Variants in ZDHHC2 observed in about 807,000 individuals in gnomAD.
ZDHHC2 encodes the protein zDHHC palmitoyltransferase 2, also known as palmitoyltransferase ZDHHC2.
A neutral mutation model predicts 55.6 loss-of-function variants in ZDHHC2; 51 were observed. The observed-to-expected ratio is 0.92, with a 90% CI of 0.73 to 1.16. ZDHHC2 has a LOEUF of 1.16. ZDHHC2 is among the 50% of genes most tolerant of loss of function. The pLI is 0.00. For missense variants in ZDHHC2, 491 were observed against 442.4 expected, an observed-to-expected ratio of 1.11 and a Z score of -0.99; for synonymous variants, 199 against 152.9, an observed-to-expected ratio of 1.30 and a Z score of -2.22.
chr8:17,172,819 C>G lies in ZDHHC2; in HGVS notation c.131-11970C>G, dbSNP rs549690545. 2.0e-5 allele frequency among the ~76,000 whole-genome samples: 3 copies of G among 152,246 alleles called. No individual in the cohort carries two copies. In the South Asian group the frequency reaches 6.2e-4, roughly 32 times the overall value. On this transcript the variant is annotated intron_variant, in intron 1 of 12. Coordinates refer to ENST00000262096, the MANE Select transcript of ZDHHC2 (RefSeq NM_016353.5). ...TTTGGATGGAGGTCAGGAAGCCTAT[C>G]CCATCTCTTACTCTTTCTAGTATCA...
chr8:17,179,408 C>G (rs781223032), intron 1 of ZDHHC2, among the ~76,000 whole-genome samples: 12 of 152,024 alleles, frequency 7.9e-5, no homozygotes, highest in African/African-American at 2.9e-4. Context: ...TTCTTTATTT[C>G]TTCTTCTTTT....
At chr8:17,180,307 T>C (rs190883019) in intron 1 of ZDHHC2, among the ~76,000 whole-genome samples, 2 of 152,322 alleles carry the variant, frequency 1.3e-5, no homozygotes, top group East Asian at 3.9e-4. Flanking sequence ...GTGTTAAGAA[T>C]GAAGACCACT....
intron 6 of ZDHHC2, among the ~76,000 whole-genome samples, chr8:17,200,583 T>C (rs1806707444): frequency 6.6e-6 from 1 of 152,236 alleles, no homozygotes; most frequent in African/African-American, 2.4e-5. Context: ...TACATACCTA[T>C]AAAGCTTCCC....
rs193038449 is a variant in ZDHHC2 at position 17,163,682 on chromosome 8, A to T, written c.130+6829A>T. Among the ~76,000 whole-genome samples the T allele has an allele frequency of 1.2e-4, 19 of 152,252 alleles. No individual in the cohort carries two copies. In the East Asian group the frequency reaches 3.5e-3, roughly 28 times the overall value. ...GTGGTGTATTCATGGGTCCCCTGAGATTCCAGCACTGCTTATGATGAGTGT... is the reference window on the plus strand; with the variant it reads ...GTGGTGTATTCATGGGTCCCCTGAGTTTCCAGCACTGCTTATGATGAGTGT... On this transcript the variant is annotated intron_variant, in intron 1 of 12. Transcript: ENST00000262096.
At chr8:17,166,254 T>C (rs1804594208) in intron 1 of ZDHHC2, among the ~76,000 whole-genome samples, 1 of 152,028 alleles carries the variant, frequency 6.6e-6, no homozygotes, top group Admixed American at 6.5e-5. Flanking sequence ...TGGTGAGAGG[T>C]GGTCAGATTC....
At chr8:17,199,547 G>GTCT (rs1443290117) in intron 6 of ZDHHC2, among the ~76,000 whole-genome samples, 1 of 19,962 alleles carries the variant, frequency 5.0e-5, no homozygotes, top group Non-Finnish European at 7.5e-5. Context: ...TTCGTCTTCT[G>GTCT]TCTTCGTCTT....
intron 1 of ZDHHC2, among the ~76,000 whole-genome samples, chr8:17,177,457 G>A (rs1180093721): frequency 1.3e-5 from 2 of 152,186 alleles, no homozygotes; most frequent in African/African-American, 2.4e-5. Context: ...AAGTATTTTT[G>A]TCATAATCTT....
intron 10 of ZDHHC2, among the ~76,000 whole-genome samples, chr8:17,211,778 A>G (rs893228907): frequency 2.0e-5 from 3 of 152,170 alleles, no homozygotes; most frequent in Admixed American, 6.6e-5. Context: ...AGGGACATTC[A>G]TGGGCATCAG....
chr8:17,164,483 A>G (rs1416806428), intron 1 of ZDHHC2, among the ~76,000 whole-genome samples: 3 of 152,188 alleles, frequency 2.0e-5, no homozygotes, highest in East Asian at 1.9e-4. Context: ...GAAGTATACA[A>G]TTAAGCATTC....
intron 1 of ZDHHC2, among the ~76,000 whole-genome samples, chr8:17,170,987 A>G (rs577728854): frequency 1.1e-3 from 168 of 152,304 alleles, no homozygotes; most frequent in African/African-American, 3.9e-3. Context: ...ATAAATCCCT[A>G]GTTGACATTC....
intron 1 of ZDHHC2, among the ~76,000 whole-genome samples, chr8:17,168,908 A>C (rs1804729668): frequency 6.6e-6 from 1 of 152,174 alleles, no homozygotes; most frequent in Non-Finnish European, 1.5e-5. Flanking sequence ...TGGCATGTAT[A>C]TATCAGATAT....
intron 6 of ZDHHC2, among the ~76,000 whole-genome samples, chr8:17,200,938 C>CAGAG: frequency 6.6e-6 from 1 of 152,206 alleles, no homozygotes; most frequent in Non-Finnish European, 1.5e-5. Context: ...CCACCACTGT[C>CAGAG]CTAGCTCTGA....
intron 1 of ZDHHC2, among the ~76,000 whole-genome samples, chr8:17,162,213 A>G (rs1453178074): frequency 6.6e-6 from 1 of 152,212 alleles, no homozygotes; most frequent in African/African-American, 2.4e-5. Context: ...ATTAAACCCT[A>G]TTAGAGAAAA....
chr8:17,202,528 T>C (rs1806844013), intron 6 of ZDHHC2, among the ~76,000 whole-genome samples: 1 of 152,148 alleles, frequency 6.6e-6, no homozygotes. Context: ...AGAAGAATAT[T>C]TTCCTAGAAC....
chr8:17,156,544 C>G lies in ZDHHC2; in HGVS notation c.-180C>G. On this transcript the variant is annotated 5_prime_UTR_variant, in exon 1 of 13. Coordinates refer to ENST00000262096, the MANE Select transcript of ZDHHC2 (RefSeq NM_016353.5). ...TCCGCCGGGCTGAGGAGCCGGGAGT[C>G]CGCCGCGCCGGCTCGGGGCTGCGGG... 3.5e-6 allele frequency: 1 copy of G among 286,368 alleles called. No homozygotes were observed. The highest frequency in any genetic ancestry group is 5.3e-6 in the Non-Finnish European group (1 of 189,904). 17.7% of individuals were successfully genotyped at this position (286,368 alleles called of 1,614,324 possible).
chr8:17,164,843 C>T (rs1045766990), intron 1 of ZDHHC2, among the ~76,000 whole-genome samples: 3 of 152,084 alleles, frequency 2.0e-5, no homozygotes, highest in Non-Finnish European at 2.9e-5. Context: ...TCTGTGTTTA[C>T]TGCATTATGT....
intron 11 of ZDHHC2, among the ~76,000 whole-genome samples, chr8:17,216,706 G>A (rs1032946571): frequency 9.2e-5 from 14 of 152,078 alleles, no homozygotes; most frequent in African/African-American, 2.2e-4. Flanking sequence ...ATAATTCTTC[G>A]GCATGTTCGA....
At chr8:17,192,685 A>G (rs1271909766) in intron 3 of ZDHHC2, among the ~76,000 whole-genome samples, 3 of 152,214 alleles carry the variant, frequency 2.0e-5, no homozygotes, top group African/African-American at 7.2e-5. Flanking sequence ...GTATGATTCA[A>G]GAAATCCTTG....
chr8:17,224,656 C>G lies in ZDHHC2; in HGVS notation c.*4435C>G, dbSNP rs993812521. 6.6e-6 allele frequency: 1 copy of G among 151,616 alleles called. No homozygotes were observed. Among genetic ancestry groups the G allele is most frequent in the Non-Finnish European group, 1.5e-5 (1 of 67,704 alleles). The allele number at this position is 151,616 out of a possible 1,614,324, so 9.4% of individuals were successfully genotyped here. On this transcript the variant is annotated 3_prime_UTR_variant, in exon 13 of 13. Transcript: ENST00000262096. ...CGTTGATTCTGAATTTAAAAAGATA[C>G]TACAGAATGCGTCAGTTCTCCTGTT... is the stretch of plus-strand genomic sequence containing the variant.
Sources: allele counts gnomAD v4.1 joint callset (sites outside exome capture counted in the v4.1 genomes callset), GRCh38; gene constraint gnomAD v4.1.1; transcripts MANE v1.5; gene names NCBI Gene and HGNC (gene_info 2026-07-23, HGNC 2026-07-21).